The following CUBN variants were observed in gnomAD, a reference collection of about 807,000 sequenced individuals.
CUBN encodes cubilin, also known as 460 kDa receptor.
CUBN carries 282 observed loss-of-function variants against 405.3 expected under a neutral mutation model. The observed-to-expected ratio is 0.70, with a 90% CI of 0.63 to 0.77. The LOEUF is 0.77. Among genes scored for constraint, CUBN ranks in the 30% least tolerant of loss-of-function variants. The pLI, the probability that CUBN is intolerant of heterozygous loss-of-function variation, is 0.00. For synonymous variants in CUBN, 1,684 were observed against 1,617.0 expected, an observed-to-expected ratio of 1.04 and a Z score of -0.99; for missense variants, 4,514 against 4,475.2, an observed-to-expected ratio of 1.01 and a Z score of -0.25.
At chr10:16,894,527 G>A (rs563779512) in intron 54 of CUBN, among the ~76,000 whole-genome samples, 1 of 152,200 alleles carries the variant, frequency 6.6e-6, no homozygotes, top group Non-Finnish European at 1.5e-5. Context: ...GTTTGTGTGA[G>A]TGTATTTCTA....
intron 31 of CUBN, among the ~76,000 whole-genome samples, chr10:16,962,503 T>C (rs1005929619): frequency 2.0e-5 from 3 of 152,156 alleles, no homozygotes; most frequent in African/African-American, 7.2e-5. Context: ...CCCCACGTCC[T>C]GGTATTCATG....
chr10:17,039,945 T>C (rs1834980327), intron 27 of CUBN, among the ~76,000 whole-genome samples: 1 of 152,220 alleles, frequency 6.6e-6, no homozygotes, highest in South Asian at 2.1e-4. Flanking sequence ...TGTCACTCTT[T>C]GTTTTCATAA....
chr10:17,129,181 T>C lies in CUBN; in HGVS notation c.192A>G (p.Arg64=), dbSNP rs770244872. The C allele has an allele frequency of 6.8e-6, 11 of 1,613,616 alleles. No individual in the cohort carries two copies. The highest frequency in any genetic ancestry group is 2.7e-5 in the African/African-American group (2 of 74,912). Residue 64 remains arginine, a synonymous_variant, in exon 2 of 67, where the codon AGA becomes AGG. Coordinates refer to ENST00000377833, the MANE Select transcript of CUBN (RefSeq NM_001081.4). ...ATTTAATTTTTCCCAGGGATCCGGTTCTAAACTCAATGTTTTGAGCAGACC... is the reference window on the plus strand; with the variant it reads ...ATTTAATTTTTCCCAGGGATCCGGTCCTAAACTCAATGTTTTGAGCAGACC... ...LTGSAQNIEF[R]TGSLGKIKLN... is the part of the protein sequence containing the mutation.
chr10:17,110,681 C>G (rs1254597997), intron 9 of CUBN, among the ~76,000 whole-genome samples: 4 of 152,266 alleles, frequency 2.6e-5, no homozygotes, highest in African/African-American at 9.6e-5. Flanking sequence ...GCATGCACCA[C>G]CATGCCCAGC....
intron 56 of CUBN, among the ~76,000 whole-genome samples, chr10:16,884,641 G>A (rs11254262): frequency 0.027 from 4,048 of 152,214 alleles, 81 homozygotes; most frequent in Non-Finnish European, 0.042. Context: ...TGTGGTAAGC[G>A]GAAAGTAGGT....
At chr10:17,124,498 C>T (rs35673054) in intron 4 of CUBN, among the ~76,000 whole-genome samples, 46,310 of 150,594 alleles carry the variant, frequency 0.31, 8,791 homozygotes, top group South Asian at 0.51. Flanking sequence ...GCGCGATCTC[C>T]GCTCACTGCA....
intron 22 of CUBN, among the ~76,000 whole-genome samples, chr10:17,062,481 G>A (rs967596364): frequency 6.6e-5 from 10 of 152,242 alleles, no homozygotes; most frequent in East Asian, 1.9e-4. Flanking sequence ...AATCTAATAC[G>A]TTAAATTAAA....
chr10:16,962,607 T>C (rs1428563864), intron 31 of CUBN, among the ~76,000 whole-genome samples: 1 of 152,152 alleles, frequency 6.6e-6, no homozygotes, highest in Non-Finnish European at 1.5e-5. Flanking sequence ...GTCACCTCCA[T>C]AATGAGGTGA....
At chr10:16,975,624 CTTTTTT>C (rs199779818) in intron 31 of CUBN, among the ~76,000 whole-genome samples, 19 of 124,306 alleles carry the variant, frequency 1.5e-4, no homozygotes, top group Non-Finnish European at 2.4e-4. Context: ...TAAAGACCTT[CTTTTTT>C]TTTTTTTTTT....
intron 28 of CUBN, 129 bp from the exon 29 acceptor site, chr10:16,990,644 C>T (rs776442878): frequency 1.4e-6 from 1 of 715,276 alleles, no homozygotes; most frequent in South Asian, 1.9e-5. Flanking sequence ...CGTTAAGTTA[C>T]AATAAAGTTA....
intron 17 of CUBN, among the ~76,000 whole-genome samples, chr10:17,079,738 T>C (rs1473733744): frequency 6.6e-6 from 1 of 152,150 alleles, no homozygotes; most frequent in East Asian, 1.9e-4. Flanking sequence ...ATTGCAGCCA[T>C]GAGACTCTGA....
Position 16,899,198 on chromosome 10 carries a change from T to C in CUBN, c.8411-15A>G. The stretch of plus-strand genomic sequence containing the variant: ...TCCACCACAACCTGAAATATTGCCA[T>C]GTAAAAAGCCATCAATCAGCAAGGA... On this transcript the variant is annotated splice_polypyrimidine_tract_variant and intron_variant, in intron 53 of 66. Coordinates refer to ENST00000377833, the MANE Select transcript of CUBN (RefSeq NM_001081.4). The C allele has an allele frequency of 1.9e-6, 3 of 1,608,654 alleles. No individual in the cohort carries two copies. Among genetic ancestry groups the C allele is most frequent in the Non-Finnish European group, 1.7e-6 (2 of 1,174,960 alleles).
chr10:17,034,164 A>G (rs1189012513), intron 27 of CUBN, among the ~76,000 whole-genome samples: 1 of 152,212 alleles, frequency 6.6e-6, no homozygotes, highest in African/African-American at 2.4e-5. Context: ...AGGACTTGAA[A>G]TGGACTTTAG....
Position 16,919,964 on chromosome 10 carries a change from T to C in CUBN, c.6820A>G (p.Asn2274Asp), listed in dbSNP as rs760129807. 6.2e-7 allele frequency: 1 copy of C among 1,612,582 alleles called. No individual in the cohort carries two copies. The highest frequency in any genetic ancestry group is 8.5e-7 in the Non-Finnish European group (1 of 1,179,702). Residue 2274 changes from asparagine to aspartate, a missense_variant and splice_region_variant, in exon 44 of 67, where the codon AAC becomes GAC. Around this residue, in one of 5 missense-constraint regions of CUBN, gnomAD observed 1,613 missense variants for 1,542.8 expected, o/e 1.05. Transcript: ENST00000377833. ...AAAATGAAAATGGAAGTGACATACT[T>C]GGGTGTTACTTCAATATCGAATCGA... Reference protein sequence around the residue: ...EDRFDIEVTPNCTSNYLELRD... With the variant: ...EDRFDIEVTPDCTSNYLELRD...
chr10:16,984,833 C>T (rs536750821), intron 29 of CUBN, among the ~76,000 whole-genome samples: 2 of 152,342 alleles, frequency 1.3e-5, no homozygotes, highest in South Asian at 4.1e-4. Context: ...TCTAAGACCA[C>T]ACATTGAATA....
At position 16,939,110 on chromosome 10, in the gene CUBN, T is replaced by C; in HGVS notation, c.5586A>G (p.Lys1862=). 6.2e-7 allele frequency: 1 copy of C among 1,614,010 alleles called. No homozygotes were observed. The highest frequency in any genetic ancestry group is 8.5e-7 in the Non-Finnish European group (1 of 1,179,898). ...TTTCAGGCCAGAAAGGAGAGGCGAC[T>C]TTCCCATGAGTTCCCACAATATTAT... ...GNDNIVGTHG[K]VASPFWPENY... Residue 1862 remains lysine (K), a synonymous_variant, in exon 38 of 67, where the codon AAA becomes AAG. Coordinates refer to ENST00000377833, the MANE Select transcript of CUBN (RefSeq NM_001081.4).
chr10:16,968,558 A>T (rs1397011884), intron 31 of CUBN, among the ~76,000 whole-genome samples: 1 of 152,188 alleles, frequency 6.6e-6, no homozygotes, highest in Admixed American at 6.5e-5. Flanking sequence ...GATCTGAGCA[A>T]AGAGGATGCT....
At chr10:17,120,629 T>C (rs752256246) in intron 6 of CUBN, among the ~76,000 whole-genome samples, 4 of 151,708 alleles carry the variant, frequency 2.6e-5, no homozygotes, top group Non-Finnish European at 4.4e-5. Flanking sequence ...CCTTTCCTCC[T>C]AGCTCTCATT....
intron 22 of CUBN, among the ~76,000 whole-genome samples, chr10:17,052,806 A>G (rs1219810496): frequency 6.9e-6 from 1 of 145,898 alleles, no homozygotes; most frequent in Non-Finnish European, 1.5e-5. Context: ...GAGAGAGAGA[A>G]TTAGTGATTT....
Sources: gnomAD v4.1 joint callset for allele counts (sites outside exome capture counted in the v4.1 genomes callset) on GRCh38, gnomAD v4.1.1 for gene constraint, gnomAD v4.1.1 regional missense constraint, MANE v1.5 for transcripts, NCBI Gene and HGNC (gene_info 2026-07-23, HGNC 2026-07-21) for gene names.